Variants in CRHBP observed in about 807,000 individuals in gnomAD.
CRHBP encodes the protein corticotropin releasing hormone binding protein.
Under a neutral mutation model 34.9 loss-of-function variants are expected in CRHBP, and 19 were observed. That is an observed-to-expected ratio of 0.55 (90% CI 0.38 to 0.80). The LOEUF (loss-of-function observed/expected upper bound fraction) is 0.80. Among genes scored for constraint, CRHBP ranks in the 30% least tolerant of loss-of-function variants. CRHBP has a pLI of 0.00. For synonymous variants in CRHBP, 154 were observed against 153.4 expected (o/e 1.00, Z -0.03); for missense variants, 328 against 409.2 (o/e 0.80, Z 1.71).
chr5:76,968,814 C>T lies in CRHBP; in HGVS notation c.898C>T (p.Gln300Ter). ...AAATCGTGTGACTTTTGAGTATCGTCAGCTGGAGCCGTACGAGCTGGAAAA... is the reference window on the plus strand; with the variant it reads ...AAATCGTGTGACTTTTGAGTATCGTTAGCTGGAGCCGTACGAGCTGGAAAA... ...HVNRVTFEYR[Q>*]LEPYELENPN... The change falls in exon 7 of 7, where the codon CAG becomes TAG. Residue 300 changes from glutamine (Q) to a stop codon, truncating the protein, a stop_gained. Transcript: ENST00000274368. LOFTEE classifies it high-confidence loss of function. 6 of 1,614,150 alleles carry T rather than the reference C, an allele frequency of 3.7e-6. No individual in the cohort carries two copies. The highest frequency in any genetic ancestry group is 5.1e-6 in the Non-Finnish European group (6 of 1,180,014).
intron 3 of CRHBP, among the ~76,000 whole-genome samples, chr5:76,980,727 G>A (rs1013738822): frequency 5.3e-5 from 8 of 152,150 alleles, no homozygotes; most frequent in African/African-American, 1.9e-4. Flanking sequence ...TCAGCTGAAG[G>A]CCTTATATGG....
At chr5:76,970,770 C>T (rs1745932947), downstream of CRHBP, among the ~76,000 whole-genome samples, 1 of 152,164 alleles carries the variant, frequency 6.6e-6, no homozygotes, top group Non-Finnish European at 1.5e-5. Context: ...TTTTCTATTA[C>T]ATCTCACCAT....
chr5:76,953,292 G>A (rs1197653908), intron 1 of CRHBP, 77 bp downstream of exon 1: 2 of 1,376,904 alleles, frequency 1.5e-6, no homozygotes, highest in Admixed American at 1.8e-5. Context: ...GCCTCTGCTC[G>A]CAGCCTTTTG....
intron 6 of CRHBP, among the ~76,000 whole-genome samples, chr5:76,965,477 A>T (rs1190780794): frequency 6.6e-6 from 1 of 152,244 alleles, no homozygotes; most frequent in Non-Finnish European, 1.5e-5. Context: ...CTGTCAGTGC[A>T]TGCGGCTTCT....
intron 6 of CRHBP, among the ~76,000 whole-genome samples, chr5:76,964,253 T>C: frequency 6.6e-6 from 1 of 151,834 alleles, no homozygotes; most frequent in East Asian, 1.9e-4. Flanking sequence ...GACACAGGAG[T>C]CCTAGATTAA....
chr5:76,972,457 G>A (rs1172099228), downstream of CRHBP, among the ~76,000 whole-genome samples: 1 of 151,984 alleles, frequency 6.6e-6, no homozygotes, highest in Non-Finnish European at 1.5e-5. Context: ...CCGAGATCAT[G>A]CCATTGCACT....
At chr5:76,960,369 C>T (rs1745757056) in intron 5 of CRHBP, among the ~76,000 whole-genome samples, 1 of 152,118 alleles carries the variant, frequency 6.6e-6, no homozygotes. Flanking sequence ...GGAGGATTGG[C>T]ATAAAACAGC....
chr5:76,953,862 A>G (rs534306358), intron 2 of CRHBP, among the ~76,000 whole-genome samples, 167 bp from the exon 3 acceptor site: 2 of 152,044 alleles, frequency 1.3e-5, no homozygotes, highest in South Asian at 4.2e-4. Context: ...CAGGAGCGGG[A>G]GAGGGTGGCG....
intron 6 of CRHBP, 95 bp from the exon 7 acceptor site, chr5:76,968,633 T>C: frequency 7.5e-7 from 1 of 1,324,976 alleles, no homozygotes; most frequent in Non-Finnish European, 1.0e-6. Context: ...ATAGGTCTCC[T>C]TGCTTTCATT....
At chr5:76,979,703 A>T (rs1207324596) in intron 3 of CRHBP, among the ~76,000 whole-genome samples, 2 of 152,184 alleles carry the variant, frequency 1.3e-5, no homozygotes, top group Admixed American at 1.3e-4. Flanking sequence ...ATGCTATTGC[A>T]CACTTAGTAT....
downstream of CRHBP, among the ~76,000 whole-genome samples, chr5:76,970,676 A>G (rs1007834621): frequency 6.6e-6 from 1 of 152,222 alleles, no homozygotes; most frequent in African/African-American, 2.4e-5. Context: ...CTAGCAACCC[A>G]AGAATTAAGG....
chr5:76,969,140 A>G lies in CRHBP; in HGVS notation c.*255A>G. 1 of 352,826 alleles carries G rather than the reference A, an allele frequency of 2.8e-6. No homozygotes were observed. Among genetic ancestry groups the G allele is most frequent in the Non-Finnish European group, 5.1e-6 (1 of 196,772 alleles). The allele number at this position is 352,826 out of a possible 1,614,324, so 21.9% of individuals were successfully genotyped here. A position where few individuals can be genotyped will look rare whatever the true frequency, so the allele number is the denominator to read the frequency against. On this transcript the variant is annotated 3_prime_UTR_variant, in exon 7 of 7. Transcript: ENST00000274368. The stretch of plus-strand genomic sequence containing the variant: ...TTGGTAGGATCATAGTTCTAAATGG[A>G]AATGTTTGTAATTCTTTGATGTGCT...
chr5:76,955,974 A>T (rs1422427470), intron 4 of CRHBP, 111 bp downstream of exon 4: 4 of 915,930 alleles, frequency 4.4e-6, no homozygotes, highest in Non-Finnish European at 6.5e-6. Flanking sequence ...TTGAATGGAA[A>T]TTTTTTTGTA....
chr5:76,954,845 C>T (rs1484800680), intron 3 of CRHBP, among the ~76,000 whole-genome samples: 1 of 152,208 alleles, frequency 6.6e-6, no homozygotes, highest in Non-Finnish European at 1.5e-5. Flanking sequence ...CATGGGATGG[C>T]TGATGGAGCT....
At chr5:76,977,743 C>G (rs1746061765) in intron 3 of CRHBP, among the ~76,000 whole-genome samples, 1 of 152,054 alleles carries the variant, frequency 6.6e-6, no homozygotes, top group Admixed American at 6.6e-5. Flanking sequence ...AGGAAGAGTC[C>G]CAGGTTTTCT....
At chr5:76,966,184 A>G (rs1040259530) in intron 6 of CRHBP, among the ~76,000 whole-genome samples, 2 of 151,916 alleles carry the variant, frequency 1.3e-5, no homozygotes, top group Non-Finnish European at 2.9e-5. Context: ...ACGCCTGGCT[A>G]ATTTTGTATT....
At position 76,957,879 on chromosome 5, in the gene CRHBP, G is replaced by A. The variant is rs535723790; in HGVS notation, c.545-862G>A. The stretch of plus-strand genomic sequence containing the variant: ...ACTATTAGAAAAATACTTAAAATAG[G>A]CCTGGCATGGGGGCTCACTCCTGTA... On this transcript the variant is annotated intron_variant, in intron 4 of 6. Transcript: ENST00000274368. Among the ~76,000 whole-genome samples, 14 of 152,098 alleles carry A rather than the reference G, an allele frequency of 9.2e-5. No individual in the cohort carries two copies. The South Asian group carries it at 2.5e-3, about 27-fold the overall frequency.
intron 3 of CRHBP, 137 bp from the exon 4 acceptor site, chr5:76,955,516 C>A (rs1745654270): frequency 3.0e-6 from 2 of 667,662 alleles, no homozygotes; most frequent in Non-Finnish European, 2.5e-6. Context: ...AAAAGGCGAG[C>A]AGGCAGAGTG....
At position 76,975,600 on chromosome 5, in the gene CRHBP, C is replaced by T. The variant is rs1038518052; in HGVS notation, n.312-765C>T. Among the ~76,000 whole-genome samples the T allele has an allele frequency of 2.0e-3, 296 of 150,960 alleles. 2 individuals are homozygous for T. Among genetic ancestry groups the T allele is most frequent in the African/African-American group, 6.8e-3 (279 of 41,064 alleles). On this transcript the variant is annotated intron_variant and non_coding_transcript_variant, in intron 2 of 3. Coordinates refer to the CRHBP transcript ENST00000514258. The stretch of plus-strand genomic sequence containing the variant: ...GGTGGATTACTTAAGGCCAGGAGTT[C>T]GAGACCAGCCTGTCCAACATGGTGA...
Sources: allele counts gnomAD v4.1 joint callset (sites outside exome capture counted in the v4.1 genomes callset), GRCh38; gene constraint gnomAD v4.1.1; transcripts MANE v1.5; gene names NCBI Gene and HGNC (gene_info 2026-07-23, HGNC 2026-07-21).